RADX: variants seen among roughly 807,000 people sequenced by gnomAD.
The protein encoded by RADX is RPA-related protein RADX.
RADX carries 36 observed loss-of-function variants against 61.6 expected under a neutral mutation model. The observed-to-expected ratio is 0.58, with a 90% CI of 0.45 to 0.77. RADX has a LOEUF of 0.77. Ranked by LOEUF, RADX falls within the 30% of genes least tolerant of loss-of-function variation. The pLI is 0.00. For synonymous variants in RADX, 272 were observed against 237.9 expected (o/e 1.14, Z -1.32); for missense variants, 497 against 651.1 (o/e 0.76, Z 2.58).
At chrX:106,644,631 T>C (rs894611469) in intron 10 of RADX, among the ~76,000 whole-genome samples, 1 of 111,460 alleles carries the variant, frequency 9.0e-6, no homozygotes, top group Non-Finnish European at 1.9e-5. Context: ...TTGGTCATGA[T>C]GAGAGATCAT....
chrX:106,639,532 T>C lies in RADX; in HGVS notation c.1579T>C (p.Ser527Pro). 8.5e-7 allele frequency: 1 copy of C among 1,176,409 alleles called. No individual in the cohort carries two copies. Among genetic ancestry groups the C allele is most frequent in the East Asian group, 3.0e-5 (1 of 32,825 alleles). The change falls in exon 9 of 14, where the codon TCG (serine) becomes CCG (proline). Residue 527 changes from serine (S) to proline (P), a missense_variant. Ser to Pro is a moderately conservative substitution (Grantham distance 74, BLOSUM62 -1). Coordinates refer to ENST00000372548, the MANE Select transcript of RADX (RefSeq NM_018015.6). ...TTTCTTGGACTTTTTTGCAGTTGAGTCGCTCTTGACAGCTATAAGTGAAGT... is the reference window on the plus strand; with the variant it reads ...TTTCTTGGACTTTTTTGCAGTTGAGCCGCTCTTGACAGCTATAAGTGAAGT... The part of the protein sequence containing the change: ...SKYSSSIKVE[S>P]LLTAISEVRK...
At chrX:106,626,815 T>C (rs1480583090) in intron 3 of RADX, among the ~76,000 whole-genome samples, 1 of 111,981 alleles carries the variant, frequency 8.9e-6, no homozygotes. Flanking sequence ...CTTATTAATG[T>C]TAGCAGCAGT....
chrX:106,669,521 T>G (rs1231132016), intron 13 of RADX, among the ~76,000 whole-genome samples, 191 bp downstream of exon 13: 5 of 111,946 alleles, frequency 4.5e-5, no homozygotes, highest in Admixed American at 2.9e-4. Context: ...AATAGCTGTT[T>G]CTACTCTAGG....
intron 6 of RADX, among the ~76,000 whole-genome samples, chrX:106,635,077 C>T (rs1044027921): frequency 9.0e-6 from 1 of 111,202 alleles, no homozygotes; most frequent in African/African-American, 3.3e-5. Flanking sequence ...GGGCTTCAGG[C>T]CCAAGAAGGG....
intron 11 of RADX, among the ~76,000 whole-genome samples, chrX:106,656,739 G>A (rs1024673875): frequency 9.0e-6 from 1 of 111,338 alleles, no homozygotes; most frequent in African/African-American, 3.3e-5. Flanking sequence ...ATTTTGAGGG[G>A]AATCTTTTTA....
At position 106,622,614 on chromosome X, in the gene RADX, G is replaced by A. The variant is rs370612590; in HGVS notation, c.644-37G>A. ...TAGATCTTTGAAGTTACCATTACATGTTAAACAGGATTTCTTTCCTCTTTT... is the reference window on the plus strand; with the variant it reads ...TAGATCTTTGAAGTTACCATTACATATTAAACAGGATTTCTTTCCTCTTTT... On this transcript the variant is annotated intron_variant, in intron 1 of 13. Coordinates refer to ENST00000372548, the MANE Select transcript of RADX (RefSeq NM_018015.6). 29 of 1,022,590 alleles carry A rather than the reference G, an allele frequency of 2.8e-5. No homozygotes were observed. The African/African-American group carries it at 5.0e-4, about 18-fold the overall frequency. The allele number at this position is 1,022,590 out of a possible 1,213,427, so 84.3% of individuals were successfully genotyped here.
intron 1 of RADX, among the ~76,000 whole-genome samples, chrX:106,614,579 A>C (rs190812951): frequency 8.9e-6 from 1 of 111,924 alleles, no homozygotes; most frequent in Admixed American, 9.4e-5. Context: ...AATTTTGTGG[A>C]TATAGACAGA....
chrX:106,669,242 C>T lies in RADX; in HGVS notation c.2349C>T (p.Asp783=). ...AAGATATTCGAACATCTCAAATAGA[C>T]ACACTGTTGACCTCCATGAATTACA... ...CPEDIRTSQI[D]TLLTSMNYSC... Residue 783 remains aspartate, a synonymous_variant, in exon 13 of 14, where the codon GAC becomes GAT. Transcript: ENST00000372548. 8.4e-7 allele frequency: 1 copy of T among 1,195,333 alleles called. No individual in the cohort carries two copies. The highest frequency in any genetic ancestry group is 1.8e-5 in the South Asian group (1 of 56,586).
chrX:106,658,557 G>T (rs1928006232), intron 11 of RADX, among the ~76,000 whole-genome samples: 1 of 111,934 alleles, frequency 8.9e-6, no homozygotes, highest in South Asian at 3.7e-4. Context: ...ATTTATAATA[G>T]GGAAAATTAA....
intron 11 of RADX, among the ~76,000 whole-genome samples, chrX:106,656,684 A>AGAGCTCCTGGTCG (rs1927949002): frequency 8.9e-6 from 1 of 111,945 alleles, no homozygotes; most frequent in Admixed American, 9.5e-5. Flanking sequence ...GCTCCTGGTC[A>AGAGCTCCTGGTCG]TCAGAGCTCC....
chrX:106,630,333 AAAAC>A (rs1388022058), intron 3 of RADX, among the ~76,000 whole-genome samples: 3 of 106,484 alleles, frequency 2.8e-5, no homozygotes, highest in Non-Finnish European at 3.9e-5. Context: ...CAACTACAAA[AAAAC>A]AAACAAACAA....
Position 106,622,713 on chromosome X carries a change from G to A in RADX, c.706G>A (p.Ala236Thr), listed in dbSNP as rs1926981911. Residue 236 changes from alanine to threonine, a missense_variant, in exon 2 of 14, where the codon GCA becomes ACA. Around this residue, in one of 3 missense-constraint regions of RADX, gnomAD observed 196 missense variants for 315.0 expected, o/e 0.62. Transcript: ENST00000372548. ...CTGGACTAACAGAAGAAATTTTCCTGCATTGCTTGTGAGGATCTTACATAA... is the reference window on the plus strand; with the variant it reads ...CTGGACTAACAGAAGAAATTTTCCTACATTGCTTGTGAGGATCTTACATAA... ...MTWTNRRNFP[A>T]LLVRILHKSK... 8.4e-7 allele frequency: 1 copy of A among 1,196,565 alleles called. No individual in the cohort carries two copies. The highest frequency in any genetic ancestry group is 1.8e-5 in the South Asian group (1 of 54,487).
intron 13 of RADX, among the ~76,000 whole-genome samples, chrX:106,669,827 A>T (rs1928321747): frequency 8.9e-6 from 1 of 111,967 alleles, no homozygotes; most frequent in Non-Finnish European, 1.9e-5. Context: ...TCAACCAGCT[A>T]ATTGTTTAGG....
intron 9 of RADX, among the ~76,000 whole-genome samples, chrX:106,640,119 G>A (rs1927470096): frequency 9.1e-6 from 1 of 109,536 alleles, no homozygotes; most frequent in African/African-American, 3.3e-5. Flanking sequence ...CTACAGGAAA[G>A]CTTTCATAGG....
At chrX:106,642,843 T>C (rs1927553819) in intron 10 of RADX, among the ~76,000 whole-genome samples, 1 of 111,777 alleles carries the variant, frequency 8.9e-6, no homozygotes. Context: ...TTCTCCATAG[T>C]GGTTGTACTA....
intron 2 of RADX, 61 bp from the exon 3 acceptor site, chrX:106,625,029 A>G (rs895741431): frequency 2.5e-5 from 18 of 709,284 alleles, no homozygotes; most frequent in Non-Finnish European, 3.6e-5. Flanking sequence ...AATATGCTAT[A>G]TATTATCTGT....
intron 10 of RADX, among the ~76,000 whole-genome samples, chrX:106,648,082 C>T (rs1927706658): frequency 9.1e-6 from 1 of 110,258 alleles, no homozygotes; most frequent in Admixed American, 9.7e-5. Context: ...ATTAATGCTC[C>T]CTTTTATGGA....
chrX:106,670,738 T>A (rs1928343734), intron 13 of RADX, among the ~76,000 whole-genome samples: 2 of 110,339 alleles, frequency 1.8e-5, no homozygotes, highest in Admixed American at 9.7e-5. Context: ...AATAAGAATC[T>A]CACAAAGTGA....
intron 2 of RADX, among the ~76,000 whole-genome samples, chrX:106,624,126 A>G (rs1030683504): frequency 1.9e-4 from 21 of 111,569 alleles, no homozygotes; most frequent in African/African-American, 6.5e-4. Flanking sequence ...TCTTCTGCCT[A>G]GAATCCTCTT....
Sources: gnomAD v4.1 joint callset for allele counts (sites outside exome capture counted in the v4.1 genomes callset) on GRCh38, gnomAD v4.1.1 for gene constraint, gnomAD v4.1.1 regional missense constraint, MANE v1.5 for transcripts, NCBI Gene and HGNC (gene_info 2026-07-23, HGNC 2026-07-21) for gene names.